The following RPGR variants were observed in gnomAD, a reference collection of about 807,000 sequenced individuals.
RPGR encodes the protein X-linked retinitis pigmentosa GTPase regulator.
Under a neutral mutation model 56.3 loss-of-function variants are expected in RPGR, and 10 were observed. The observed-to-expected ratio is 0.18, with a 90% CI of 0.11 to 0.30. The LOEUF is 0.30. Among genes scored for constraint, RPGR ranks in the 10% least tolerant of loss-of-function variants. RPGR has a pLI of 1.00. For synonymous variants in RPGR, 197 were observed against 212.9 expected (o/e 0.93, Z 0.65); for missense variants, 538 against 590.9 (o/e 0.91, Z 0.93).
intron 7 of RPGR, among the ~76,000 whole-genome samples, 153 bp downstream of exon 7, chrX:38,310,462 A>C (rs968905284): frequency 5.4e-5 from 6 of 111,504 alleles, no homozygotes; most frequent in African/African-American, 2.0e-4. Context: ...ATACATAAAA[A>C]TACTTTATTA....
At position 38,317,479 on chromosome X, in the gene RPGR, T is replaced by TAA. The variant is rs1569258048; in HGVS notation, c.470-16_470-15dup. 8.4e-7 allele frequency: 1 copy of TAA among 1,197,458 alleles called. No homozygotes were observed. The highest frequency in any genetic ancestry group is 1.1e-6 in the Non-Finnish European group (1 of 885,782). ...GTCTTCCATCCTCTATAAAGAAAAA[T>TAA]AAAAGGGGGAGAAAAGGTTTTAAAA... On this transcript the variant is annotated splice_polypyrimidine_tract_variant and intron_variant, in intron 5 of 18. Coordinates refer to ENST00000642395, the MANE Select transcript of RPGR (RefSeq NM_000328.3).
At chrX:38,282,710 A>C (rs1381163461) in intron 15 of RPGR, among the ~76,000 whole-genome samples, 1 of 111,728 alleles carries the variant, frequency 9.0e-6, no homozygotes, top group African/African-American at 3.3e-5. Flanking sequence ...ATGTAAGTGT[A>C]TAGCAAGTTT....
In RPGR at chrX:38,319,287, G is replaced by A. The variant is rs188650688; in HGVS notation, c.311-300C>T. Among the ~76,000 whole-genome samples, 7 of 112,156 alleles carry A rather than the reference G, an allele frequency of 6.2e-5. No individual in the cohort carries two copies. The East Asian group carries it at 1.7e-3, about 27-fold the overall frequency. On this transcript the variant is annotated intron_variant, in intron 4 of 18. Coordinates refer to ENST00000642395, the MANE Select transcript of RPGR (RefSeq NM_000328.3). ...CTTTATTAATTCAGAGTAAAAACAAGGAAAGTAACTTCCAAACTAGTTTAA... is the reference window on the plus strand; with the variant it reads ...CTTTATTAATTCAGAGTAAAAACAAAGAAAGTAACTTCCAAACTAGTTTAA...
At chrX:38,320,495 TA>T (rs907300948) in intron 4 of RPGR, among the ~76,000 whole-genome samples, 3 of 112,859 alleles carry the variant, frequency 2.7e-5, no homozygotes, top group African/African-American at 9.7e-5. Flanking sequence ...TTTTTGCCAA[TA>T]CCTCAGTCTT....
intron 3 of RPGR, 86 bp downstream of exon 3, chrX:38,322,767 G>A: frequency 1.4e-6 from 1 of 712,475 alleles, no homozygotes; most frequent in East Asian, 3.3e-5. Context: ...AGAACTAAAA[G>A]CTTTATTATT....
At chrX:38,311,151 T>A (rs2067710092) in intron 6 of RPGR, among the ~76,000 whole-genome samples, 1 of 112,702 alleles carries the variant, frequency 8.9e-6, no homozygotes, top group South Asian at 3.6e-4. Context: ...ATTTGTGGAA[T>A]AAATGAATGA....
chrX:38,273,295 T>G, intron 18 of RPGR: 2 of 715,132 alleles, frequency 2.8e-6, no homozygotes, highest in East Asian at 7.0e-5. Context: ...AAACTCATAT[T>G]AAGAGAGTTA....
In RPGR at chrX:38,276,595, T is replaced by C. The variant is rs2066941272; in HGVS notation, c.2083A>G (p.Ile695Val). 4.1e-6 allele frequency: 5 copies of C among 1,210,644 alleles called. No homozygotes were observed. The highest frequency in any genetic ancestry group is 5.6e-6 in the Non-Finnish European group (5 of 894,677). Residue 695 changes from isoleucine to valine, a missense_variant, in exon 16 of 19, where the codon ATT (isoleucine) becomes GTT (valine). Ile to Val is a conservative substitution (Grantham distance 29). Transcript: ENST00000642395. ...AGCATCTATCATCATACCTTTTCAATAGTTTCAGCTGAGCTATCATCATTG... is the reference window on the plus strand; with the variant it reads ...AGCATCTATCATCATACCTTTTCAACAGTTTCAGCTGAGCTATCATCATTG...
intron 18 of RPGR, among the ~76,000 whole-genome samples, chrX:38,270,941 A>G (rs190222430): frequency 1.8e-5 from 2 of 111,847 alleles, no homozygotes; most frequent in East Asian, 5.6e-4. Context: ...AGGAGAGAAA[A>G]ATACATCAAG....
chrX:38,280,841 C>CAT (rs199891425), intron 15 of RPGR, among the ~76,000 whole-genome samples: 10,564 of 110,892 alleles, frequency 0.095, 537 homozygotes, highest in African/African-American at 0.17. Flanking sequence ...GGCTGAGAAA[C>CAT]TTTTTAAATG....
chrX:38,310,682 C>G lies in RPGR; in HGVS notation c.711G>C (p.Leu237=), dbSNP rs1168890935. The stretch of plus-strand genomic sequence containing the variant: ...TCACCTTCTCCGGAATTTCAGACAC[C>G]AGCTGGGGTGTTCTGTGATTGCCCA... Residue 237 remains leucine (L), a synonymous_variant, in exon 7 of 19, where the codon CTG becomes CTC. Transcript: ENST00000642395. The G allele has an allele frequency of 2.5e-6, 3 of 1,208,898 alleles. No individual in the cohort carries two copies. The Admixed American group carries it at 6.6e-5, about 26-fold the overall frequency.
chrX:38,301,268 A>G lies in RPGR; in HGVS notation c.1038T>C (p.Phe346=), dbSNP rs777556630. The change falls in exon 9 of 19, where the codon TTT becomes TTC. Residue 346 remains phenylalanine, a synonymous_variant. Coordinates refer to ENST00000642395, the MANE Select transcript of RPGR (RefSeq NM_000328.3). ...TTACCAATTTAACTATAAACCTCAAAAAATTAGAGCACAAAGTAGGAATGA... is the reference window on the plus strand; with the variant it reads ...TTACCAATTTAACTATAAACCTCAAGAAATTAGAGCACAAAGTAGGAATGA... The G allele has an allele frequency of 8.3e-7, 1 of 1,205,396 alleles. No individual in the cohort carries two copies.
intron 5 of RPGR, 21 bp downstream of exon 5, chrX:38,318,808 T>A: frequency 8.3e-7 from 1 of 1,210,052 alleles, no homozygotes; most frequent in Non-Finnish European, 1.1e-6. Flanking sequence ...TGTCCCAGAC[T>A]GAAAAAGAAA....
At chrX:38,283,648 A>T (rs1171083556) in intron 15 of RPGR, among the ~76,000 whole-genome samples, 5 of 112,029 alleles carry the variant, frequency 4.5e-5, no homozygotes, top group Non-Finnish European at 9.4e-5. Context: ...TTGGCCAGGG[A>T]AATGTGAAGA....
At chrX:38,303,281 A>C (rs778217778) in intron 8 of RPGR, among the ~76,000 whole-genome samples, 1 of 110,513 alleles carries the variant, frequency 9.0e-6, no homozygotes, top group South Asian at 3.9e-4. Context: ...AAGAGCTTGC[A>C]GATAACCCAC....
intron 1 of RPGR, chrX:38,325,733 G>C (rs2068037449): frequency 8.9e-6 from 1 of 111,816 alleles, no homozygotes; most frequent in African/African-American, 3.3e-5. Context: ...GGAGTACATG[G>C]GGATGTTGAG....
At chrX:38,317,584 T>C in intron 5 of RPGR, 119 bp from the exon 6 acceptor site, 1 of 611,187 alleles carries the variant, frequency 1.6e-6, no homozygotes, top group Non-Finnish European at 2.6e-6. Flanking sequence ...ATCTTAACAA[T>C]AAAGTACTAC....
At chrX:38,274,212 T>C (rs929693524) in intron 17 of RPGR, among the ~76,000 whole-genome samples, 1 of 112,132 alleles carries the variant, frequency 8.9e-6, no homozygotes, top group Non-Finnish European at 1.9e-5. Context: ...GATTTGTGTC[T>C]AGATTATGTA....
intron 7 of RPGR, among the ~76,000 whole-genome samples, chrX:38,308,660 G>C (rs1290320245): frequency 9.0e-6 from 1 of 111,295 alleles, no homozygotes; most frequent in Non-Finnish European, 1.9e-5. Flanking sequence ...CAGATAATGT[G>C]TAAAAATTAA....
Sources: allele counts gnomAD v4.1 joint callset (sites outside exome capture counted in the v4.1 genomes callset), GRCh38; gene constraint gnomAD v4.1.1; transcripts MANE v1.5; gene names NCBI Gene and HGNC (gene_info 2026-07-23, HGNC 2026-07-21).